The following UNC79 variants were observed in gnomAD, a reference collection of about 807,000 sequenced individuals.
UNC79 encodes protein unc-79 homolog.
A neutral mutation model predicts 283.1 loss-of-function variants in UNC79; 37 were observed. The ratio of observed to expected loss-of-function variants is 0.13; its 90% CI spans 0.10 to 0.17. The LOEUF is 0.17. Ranked by LOEUF, UNC79 falls within the 10% of genes least tolerant of loss-of-function variation. UNC79 has a pLI of 1.00. For synonymous variants in UNC79, 1,107 were observed against 1,200.2 expected, an observed-to-expected ratio of 0.92 and a Z score of 1.61; for missense variants, 2,272 against 3,211.1, an observed-to-expected ratio of 0.71 and a Z score of 7.07.
intron 40 of UNC79, among the ~76,000 whole-genome samples, chr14:93,670,239 C>G (rs1271877436): frequency 6.6e-6 from 1 of 152,180 alleles, no homozygotes; most frequent in Admixed American, 6.5e-5. Context: ...GCAGAATAGA[C>G]TCATTTCTAT....
chr14:93,369,115 C>G (rs1172087158), intron 1 of UNC79, among the ~76,000 whole-genome samples: 1 of 152,182 alleles, frequency 6.6e-6, no homozygotes, highest in African/African-American at 2.4e-5. Flanking sequence ...ATTGCTAAAT[C>G]ACAACACAAC....
exon 26 of UNC79, chr14:93,603,414 A>T: frequency 1.2e-6 from 2 of 1,613,518 alleles, no homozygotes; most frequent in Non-Finnish European, 1.7e-6. Flanking sequence ...TGACCTCCAA[A>T]ATTCGTTGAG....
intron 1 of UNC79, among the ~76,000 whole-genome samples, chr14:93,335,339 T>C (rs191835951): frequency 1.1e-4 from 17 of 152,378 alleles, no homozygotes; most frequent in African/African-American, 3.8e-4. Context: ...AATTTAGATG[T>C]TTATTTTAGT....
At chr14:93,526,827 C>T (rs112278682) in intron 8 of UNC79, among the ~76,000 whole-genome samples, 1 of 151,948 alleles carries the variant, frequency 6.6e-6, no homozygotes, top group Non-Finnish European at 1.5e-5. Flanking sequence ...AGTATCTTTA[C>T]GTGAGAGAGG....
chr14:93,519,431 A>G (rs920991198), intron 7 of UNC79, among the ~76,000 whole-genome samples: 5 of 151,802 alleles, frequency 3.3e-5, no homozygotes, highest in South Asian at 2.1e-4. Context: ...GCAGCATACA[A>G]TTGGGTCATG....
chr14:93,559,731 C>T (rs765278111), intron 14 of UNC79, among the ~76,000 whole-genome samples: 41 of 152,056 alleles, frequency 2.7e-4, no homozygotes, highest in Admixed American at 1.8e-3. Context: ...AGGCAGGAAC[C>T]GACCATTTTC....
intron 7 of UNC79, among the ~76,000 whole-genome samples, chr14:93,522,642 C>T (rs1312203045): frequency 2.0e-5 from 3 of 152,008 alleles, no homozygotes; most frequent in Admixed American, 2.0e-4. Flanking sequence ...GCGCCTATAC[C>T]GAAATTATTT....
chr14:93,532,540 C>T lies in UNC79; in HGVS notation c.1094-10C>T, dbSNP rs1430762765. The T allele has an allele frequency of 1.9e-6, 3 of 1,609,282 alleles. No individual in the cohort carries two copies. The highest frequency in any genetic ancestry group is 2.5e-6 in the Non-Finnish European group (3 of 1,177,684). On this transcript the variant is annotated splice_polypyrimidine_tract_variant and intron_variant, in intron 10 of 48. Transcript: ENST00000555664. ...TCTTTGTTGATATTTTGTGTGCCTT[C>T]CCCTTACAGCTGAAATATCTGCTAT...
intron 16 of UNC79, among the ~76,000 whole-genome samples, chr14:93,573,946 A>G (rs911054351): frequency 6.6e-6 from 1 of 152,246 alleles, no homozygotes. Context: ...TCGAGGCTGC[A>G]GTGAGCTATG....
At chr14:93,655,644 GAAA>G (rs59172906) in intron 38 of UNC79, among the ~76,000 whole-genome samples, 1 of 81,748 alleles carries the variant, frequency 1.2e-5, no homozygotes, top group East Asian at 3.7e-4. Flanking sequence ...CAGTTGATTT[GAAA>G]AAAAAAAAAA....
chr14:93,460,651 G>A lies in UNC79; in HGVS notation c.23-7020G>A, dbSNP rs1287702047. Among the ~76,000 whole-genome samples the A allele has an allele frequency of 2.0e-5, 3 of 151,966 alleles. No homozygotes were observed. The East Asian group carries it at 5.8e-4, about 29-fold the overall frequency. On this transcript the variant is annotated intron_variant, in intron 1 of 48. Coordinates refer to ENST00000555664, the Ensembl canonical transcript of UNC79. ...GAAGGACGATTTCTTAATTCTTACC[G>A]AGAGCTTTAAAAATGAGTGTTTTCT...
intron 30 of UNC79, among the ~76,000 whole-genome samples, chr14:93,628,523 A>T (rs2067748169): frequency 6.6e-6 from 1 of 152,148 alleles, no homozygotes; most frequent in African/African-American, 2.4e-5. Context: ...ACAATAATTT[A>T]TTCACTTTTA....
intron 14 of UNC79, among the ~76,000 whole-genome samples, chr14:93,543,920 CAG>C (rs1207953940): frequency 1.3e-5 from 2 of 152,154 alleles, no homozygotes; most frequent in East Asian, 1.9e-4. Flanking sequence ...TTTCAGGACT[CAG>C]AGTGATCTGT....
intron 30 of UNC79, among the ~76,000 whole-genome samples, chr14:93,629,788 A>G (rs1566814919): frequency 6.6e-6 from 1 of 152,376 alleles, no homozygotes; most frequent in East Asian, 1.9e-4. Context: ...AGACAGAAAC[A>G]CTATTAAGCT....
intron 3 of UNC79, among the ~76,000 whole-genome samples, chr14:93,475,817 A>G (rs2140338270): frequency 6.6e-6 from 1 of 152,346 alleles, no homozygotes; most frequent in South Asian, 2.1e-4. Flanking sequence ...GTGTAATTGC[A>G]ATTAATGTGT....
chr14:93,475,627 A>C (rs2057756072), intron 3 of UNC79, among the ~76,000 whole-genome samples: 1 of 152,158 alleles, frequency 6.6e-6, no homozygotes, highest in African/African-American at 2.4e-5. Context: ...TCTTAACATA[A>C]GACTGCCAGA....
At chr14:93,701,968 C>T (rs1489835814) in intron 47 of UNC79, among the ~76,000 whole-genome samples, 2 of 152,110 alleles carry the variant, frequency 1.3e-5, no homozygotes, top group Non-Finnish European at 2.9e-5. Flanking sequence ...ACTCCCTGAC[C>T]CTACTCTTCT....
At chr14:93,539,133 C>G (rs1595794337) in intron 12 of UNC79, among the ~76,000 whole-genome samples, 1 of 150,180 alleles carries the variant, frequency 6.7e-6, no homozygotes, top group African/African-American at 2.4e-5. Context: ...GAACTCCTGA[C>G]CTCAGATGAT....
intron 31 of UNC79, among the ~76,000 whole-genome samples, chr14:93,635,202 A>G (rs931713304): frequency 1.3e-5 from 2 of 152,204 alleles, no homozygotes; most frequent in African/African-American, 2.4e-5. Context: ...TGACATGTCT[A>G]TTCTAAACAT....
Sources: allele counts gnomAD v4.1 joint callset (sites outside exome capture counted in the v4.1 genomes callset), GRCh38; gene constraint gnomAD v4.1.1; transcripts MANE v1.5; gene names NCBI Gene and HGNC (gene_info 2026-07-23, HGNC 2026-07-21).